KAZN: variants seen among roughly 807,000 people sequenced by gnomAD.
The protein encoded by KAZN is kazrin.
KAZN carries 40 observed loss-of-function variants against 87.4 expected under a neutral mutation model. That is an observed-to-expected ratio of 0.46 (90% confidence interval 0.36 to 0.60). The LOEUF is 0.60. Ranked by LOEUF, KAZN falls within the 20% of genes least tolerant of loss-of-function variation. The pLI, the probability that KAZN is intolerant of heterozygous loss-of-function variation, is 0.00. For synonymous variants in KAZN, 466 were observed against 458.3 expected (o/e 1.02, Z -0.22); for missense variants, 898 against 1,073.9 (o/e 0.84, Z 2.29).
intron 1 of KAZN, among the ~76,000 whole-genome samples, chr1:13,973,923 C>T (rs1166367187): frequency 6.6e-6 from 1 of 152,190 alleles, no homozygotes. Context: ...GTTGGTTCAC[C>T]AGGAGGATTC....
intron 2 of KAZN, among the ~76,000 whole-genome samples, chr1:14,492,342 C>T (rs566117255): frequency 6.6e-6 from 1 of 152,204 alleles, no homozygotes; most frequent in South Asian, 2.1e-4. Flanking sequence ...TCTCTCCACA[C>T]TGTCTTTTCC....
At chr1:13,947,588 G>A (rs1268086266) in intron 1 of KAZN, among the ~76,000 whole-genome samples, 1 of 152,200 alleles carries the variant, frequency 6.6e-6, no homozygotes, top group African/African-American at 2.4e-5. Flanking sequence ...CAGGGCACTT[G>A]TGATTGCCCT....
rs553428275 is a variant in KAZN, at chr1:14,189,635, T to C, written c.249+9043T>C. ...CTTAGCAGGCTAACTCCAGAATATT[T>C]CCATAGTGGTGATAGGGGTCCATCA... On this transcript the variant is annotated intron_variant, in intron 2 of 16. Transcript: ENST00000636203. Among the ~76,000 whole-genome samples, 8 of 152,144 alleles carry C rather than the reference T, an allele frequency of 5.3e-5. No homozygotes were observed. In the South Asian group the frequency reaches 1.7e-3, roughly 32 times the overall value.
At chr1:14,143,936 T>A (rs61776659) in intron 1 of KAZN, among the ~76,000 whole-genome samples, 3,892 of 152,220 alleles carry the variant, frequency 0.026, 92 homozygotes, top group South Asian at 0.046. Flanking sequence ...CAGGCTGGTA[T>A]CAAACTCCTG....
chr1:13,933,690 A>G (rs1640617444), intron 1 of KAZN, among the ~76,000 whole-genome samples: 1 of 152,218 alleles, frequency 6.6e-6, no homozygotes, highest in Non-Finnish European at 1.5e-5. Context: ...GGTCATTTTA[A>G]TGGTGAGAAT....
intron 2 of KAZN, among the ~76,000 whole-genome samples, chr1:14,502,550 C>A (rs1255125011): frequency 2.0e-5 from 3 of 152,134 alleles, no homozygotes; most frequent in Non-Finnish European, 4.4e-5. Flanking sequence ...GTTCAGGTCT[C>A]CAGTAAACCC....
intron 1 of KAZN, among the ~76,000 whole-genome samples, chr1:14,936,950 C>G (rs903029836): frequency 3.3e-5 from 5 of 152,144 alleles, no homozygotes; most frequent in African/African-American, 7.2e-5. Context: ...CATGAACCAC[C>G]CTGGCTCATT....
chr1:14,271,306 A>G (rs546812787), intron 2 of KAZN, among the ~76,000 whole-genome samples: 1 of 152,340 alleles, frequency 6.6e-6, no homozygotes, highest in Non-Finnish European at 1.5e-5. Flanking sequence ...GCTTCAGCAT[A>G]TAAATTTTGG....
chr1:14,795,346 G>A (rs912235988), intron 1 of KAZN, among the ~76,000 whole-genome samples: 2 of 152,108 alleles, frequency 1.3e-5, no homozygotes, highest in Admixed American at 6.6e-5. Flanking sequence ...AGCACAACAC[G>A]GGGTCTTAGG....
At chr1:14,431,571 G>A (rs1350708640) in intron 2 of KAZN, among the ~76,000 whole-genome samples, 4 of 152,154 alleles carry the variant, frequency 2.6e-5, no homozygotes, top group African/African-American at 9.7e-5. Flanking sequence ...ACTGGGAGAG[G>A]AAGACCCACC....
chr1:14,473,948 C>T (rs1267141404), intron 2 of KAZN, among the ~76,000 whole-genome samples: 1 of 152,192 alleles, frequency 6.6e-6, no homozygotes, highest in Non-Finnish European at 1.5e-5. Context: ...TGAAGTTGCA[C>T]CCTCTTGCCC....
chr1:13,982,380 T>C (rs1022646258), intron 1 of KAZN, among the ~76,000 whole-genome samples: 4 of 152,194 alleles, frequency 2.6e-5, no homozygotes, highest in African/African-American at 7.2e-5. Context: ...CGGAGTTTCT[T>C]CCTTCTGGTG....
chr1:14,553,599 C>A (rs182987074), intron 2 of KAZN, among the ~76,000 whole-genome samples: 1 of 152,262 alleles, frequency 6.6e-6, no homozygotes, highest in South Asian at 2.1e-4. Flanking sequence ...CAGGGCCATG[C>A]GGCTAGTGAA....
At chr1:14,016,305 C>T (rs968267991) in intron 1 of KAZN, among the ~76,000 whole-genome samples, 1 of 152,198 alleles carries the variant, frequency 6.6e-6, no homozygotes, top group East Asian at 1.9e-4. Flanking sequence ...ACACTTCCTA[C>T]ACAATGTGGG....
intron 1 of KAZN, among the ~76,000 whole-genome samples, chr1:14,029,916 C>A (rs1290575271): frequency 6.6e-6 from 1 of 152,202 alleles, no homozygotes; most frequent in Non-Finnish European, 1.5e-5. Flanking sequence ...TGTGATGCCT[C>A]CAGCTTTGTT....
At chr1:14,507,978 T>A (rs200057013) in intron 2 of KAZN, among the ~76,000 whole-genome samples, 229 of 91,332 alleles carry the variant, frequency 2.5e-3, no homozygotes, top group East Asian at 0.023. Flanking sequence ...AAAAAATAAA[T>A]AAAAAAAAAA....
At chr1:14,476,501 T>C (rs996392339) in intron 2 of KAZN, among the ~76,000 whole-genome samples, 2 of 152,124 alleles carry the variant, frequency 1.3e-5, no homozygotes, top group African/African-American at 4.8e-5. Flanking sequence ...GGGATTTCTA[T>C]CAGAAGACAG....
chr1:14,921,909 A>G (rs1329934429), intron 1 of KAZN, among the ~76,000 whole-genome samples: 1 of 152,068 alleles, frequency 6.6e-6, no homozygotes, highest in Non-Finnish European at 1.5e-5. Flanking sequence ...ACGGGGTTTC[A>G]CCATATTAGC....
chr1:14,655,619 C>CATATAT (rs1638743047), intron 1 of KAZN, among the ~76,000 whole-genome samples: 1 of 152,158 alleles, frequency 6.6e-6, no homozygotes, highest in African/African-American at 2.4e-5. Flanking sequence ...GCTGCTGCGA[C>CATATAT]AGATATAGAT....
Sources: allele counts gnomAD v4.1 joint callset (sites outside exome capture counted in the v4.1 genomes callset), GRCh38; gene constraint gnomAD v4.1.1; transcripts MANE v1.5; gene names NCBI Gene and HGNC (gene_info 2026-07-23, HGNC 2026-07-21).